The following PATL2 variants were observed in gnomAD, a reference collection of about 807,000 sequenced individuals.
The protein encoded by PATL2 is PAT1 homolog 2.
In PATL2, 73 loss-of-function variants were observed where a neutral mutation model predicts 77.0. That is an observed-to-expected ratio of 0.95 (90% CI 0.78 to 1.15). The LOEUF is 1.15. Ranked by LOEUF, PATL2 falls within the 50% of genes most tolerant of loss-of-function variation. The probability of loss-of-function intolerance (pLI) is 0.00; values close to 1 mark genes in which losing one functional copy is unlikely to be tolerated. For synonymous variants in PATL2, 265 were observed against 257.1 expected, an observed-to-expected ratio of 1.03 and a Z score of -0.29; for missense variants, 618 against 655.4, an observed-to-expected ratio of 0.94 and a Z score of 0.62.
chr15:44,697,923 A>T (rs2086543978), intron 3 of PATL2, among the ~76,000 whole-genome samples: 1 of 151,950 alleles, frequency 6.6e-6, no homozygotes, highest in South Asian at 2.1e-4. Flanking sequence ...TAAAAAATTG[A>T]GATGGGGCTC....
At chr15:44,693,157 C>T (rs2086428569) in intron 3 of PATL2, among the ~76,000 whole-genome samples, 1 of 152,208 alleles carries the variant, frequency 6.6e-6, no homozygotes, top group African/African-American at 2.4e-5. Context: ...CCAAAATGTC[C>T]ATGATTCTGG....
At chr15:44,691,931 C>T (rs2086402081) in intron 3 of PATL2, among the ~76,000 whole-genome samples, 1 of 152,008 alleles carries the variant, frequency 6.6e-6, no homozygotes, top group Admixed American at 6.6e-5. Flanking sequence ...GGTACAAAGA[C>T]TCTGGAGGCA....
At chr15:44,683,845 C>T (rs2086190691) in intron 3 of PATL2, among the ~76,000 whole-genome samples, 1 of 152,136 alleles carries the variant, frequency 6.6e-6, no homozygotes, top group Non-Finnish European at 1.5e-5. Context: ...TACAGGAGAG[C>T]TCCGGCTGGC....
chr15:44,665,972 C>G lies in PATL2; in HGVS notation c.1614-1G>C. 2 of 1,539,756 alleles carry G rather than the reference C, an allele frequency of 1.3e-6. No homozygotes were observed. Among genetic ancestry groups the G allele is most frequent in the Non-Finnish European group, 1.7e-6 (2 of 1,143,548 alleles). The stretch of plus-strand genomic sequence containing the variant: ...AACAGATCAGTAAATCCAGGCAAAC[C>G]TATAAAGAGAACAGATATTAACTGC... On this transcript the variant is annotated splice_acceptor_variant, in intron 17 of 17. Coordinates refer to ENST00000682850, the MANE Select transcript of PATL2 (RefSeq NM_001387263.1). LOFTEE classifies it high-confidence loss of function.
chr15:44,689,601 TAA>T (rs1332436999), intron 3 of PATL2, among the ~76,000 whole-genome samples: 1,861 of 152,084 alleles, frequency 0.012, 50 homozygotes, highest in East Asian at 0.089. Flanking sequence ...CTCAGCAAAC[TAA>T]CACAAGAACA....
At chr15:44,670,175 C>G (rs2085601002) in intron 9 of PATL2, 88 bp from the exon 10 acceptor site, 3 of 1,470,476 alleles carry the variant, frequency 2.0e-6, no homozygotes, top group Non-Finnish European at 2.7e-6. Context: ...AGTGCAGCCT[C>G]TTAAGTTTAG....
chr15:44,706,020 G>A (rs1367342805), intron 3 of PATL2, among the ~76,000 whole-genome samples: 3 of 152,020 alleles, frequency 2.0e-5, no homozygotes, highest in Non-Finnish European at 2.9e-5. Flanking sequence ...AGCTGGTCTT[G>A]AACTCCTGAG....
intron 3 of PATL2, among the ~76,000 whole-genome samples, chr15:44,706,421 C>G (rs1158275561): frequency 6.6e-6 from 1 of 152,154 alleles, no homozygotes; most frequent in Non-Finnish European, 1.5e-5. Context: ...TCTGTTGTAT[C>G]TTTTTTGATT....
At position 44,701,355 on chromosome 15, in the gene PATL2, T is replaced by C. The variant is rs572583903; in HGVS notation, c.-76+8741A>G. ...CTCCCTCCTCCTCTATTTTTCAGAA[T>C]AGTTTGAGTAGGGTTGGTGTTTTGG... is the stretch of plus-strand genomic sequence containing the variant. On this transcript the variant is annotated intron_variant, in intron 3 of 17. Coordinates refer to ENST00000682850, the MANE Select transcript of PATL2 (RefSeq NM_001387263.1). Among the ~76,000 whole-genome samples the C allele has an allele frequency of 3.9e-5, 6 of 151,914 alleles. No homozygotes were observed. The South Asian group carries it at 1.3e-3, about 32-fold the overall frequency.
intron 3 of PATL2, among the ~76,000 whole-genome samples, chr15:44,684,007 G>A (rs1447562675): frequency 6.6e-6 from 1 of 151,384 alleles, no homozygotes; most frequent in African/African-American, 2.4e-5. Context: ...AGAGGGGCCT[G>A]ACTGTTAGAA....
chr15:44,666,145 AG>A (rs2085356622), intron 17 of PATL2, among the ~76,000 whole-genome samples, 174 bp from the exon 18 acceptor site: 1 of 152,256 alleles, frequency 6.6e-6, no homozygotes, highest in Admixed American at 6.5e-5. Flanking sequence ...TGAATAATTC[AG>A]GTTCTTAAAT....
intron 3 of PATL2, among the ~76,000 whole-genome samples, chr15:44,689,619 C>T (rs902745864): frequency 1.3e-5 from 2 of 149,682 alleles, no homozygotes; most frequent in African/African-American, 5.0e-5. Context: ...GAACAGAAAA[C>T]CAAATACTGC....
rs1173518676 is a variant in PATL2, at chr15:44,676,482, G to A, written c.9C>T (p.Cys3=). The change falls in exon 4 of 18, where the codon TGC becomes TGT. Residue 3 remains cysteine, a synonymous_variant. Coordinates refer to ENST00000682850, the MANE Select transcript of PATL2 (RefSeq NM_001387263.1). ...CGGCCCACTTGTTGATACCTTCAAG[G>A]CAATTCATCTTGGCAGGCTGGTGGA... MN[C]LEGPGKTCGP... is the part of the protein sequence containing the mutation. 1 of 1,551,164 alleles carries A rather than the reference G, an allele frequency of 6.4e-7. No individual in the cohort carries two copies. Among genetic ancestry groups the A allele is most frequent in the Admixed American group, 2.0e-5 (1 of 50,996 alleles).
chr15:44,680,190 T>G (rs925003112), intron 3 of PATL2, among the ~76,000 whole-genome samples: 1 of 152,166 alleles, frequency 6.6e-6, no homozygotes, highest in South Asian at 2.1e-4. Flanking sequence ...CCTGACATGC[T>G]CCTCAGTTAC....
At chr15:44,687,742 G>A (rs1485071770) in intron 3 of PATL2, among the ~76,000 whole-genome samples, 2 of 152,134 alleles carry the variant, frequency 1.3e-5, no homozygotes, top group Non-Finnish European at 2.9e-5. Context: ...AAAATCACAA[G>A]CATTCCTATA....
At chr15:44,676,904 T>C in intron 3 of PATL2, 1 of 1,043,336 alleles carries the variant, frequency 9.6e-7, no homozygotes, top group Non-Finnish European at 1.2e-6. Context: ...AAGTTATTCA[T>C]AGCAGCCTGG....
Position 44,674,149 on chromosome 15 carries a change from C to A in PATL2, c.303+1G>T, listed in dbSNP as rs1186509002. 6.5e-7 allele frequency: 1 copy of A among 1,545,562 alleles called. No individual in the cohort carries two copies. The highest frequency in any genetic ancestry group is 8.8e-7 in the Non-Finnish European group (1 of 1,141,596). On this transcript the variant is annotated splice_donor_variant, in intron 6 of 17. Coordinates refer to ENST00000682850, the MANE Select transcript of PATL2 (RefSeq NM_001387263.1). LOFTEE classifies it high-confidence loss of function. ...CAGTATGGAGACTGCAGCAGACTCA[C>A]CTGCCACAGAAAATGCAAGGAGGCA...
In PATL2 at chr15:44,672,063, C is replaced by T; in HGVS notation, c.609G>A (p.Met203Ile). ...KEKDWVIKVQMVQLQSAKPRL... is the reference protein window; with the variant it reads ...KEKDWVIKVQIVQLQSAKPRL... Reference sequence around the variant, plus strand: ...GGGGTTTTGCACTCTGCAGCTGCACCATCTGCACTTTTATCACCCAGTCCT... The same window carrying T: ...GGGGTTTTGCACTCTGCAGCTGCACTATCTGCACTTTTATCACCCAGTCCT... Residue 203 changes from methionine (M) to isoleucine (I), a missense_variant, in exon 9 of 18, where the codon ATG becomes ATA. Met to Ile is a conservative substitution (Grantham distance 10, BLOSUM62 1). Transcript: ENST00000682850. 6.4e-7 allele frequency: 1 copy of T among 1,551,706 alleles called. No individual in the cohort carries two copies. The highest frequency in any genetic ancestry group is 1.2e-5 in the South Asian group (1 of 84,066).
intron 3 of PATL2, 34 bp from the exon 4 acceptor site, chr15:44,676,599 T>A: frequency 6.6e-7 from 1 of 1,512,534 alleles, no homozygotes; most frequent in Non-Finnish European, 9.0e-7. Flanking sequence ...GGCACCATCC[T>A]CAGTCAGTAA....
Sources: gnomAD v4.1 joint callset for allele counts (sites outside exome capture counted in the v4.1 genomes callset) on GRCh38, gnomAD v4.1.1 for gene constraint, MANE v1.5 for transcripts, NCBI Gene and HGNC (gene_info 2026-07-23, HGNC 2026-07-21) for gene names.